FBN2: variants seen among roughly 807,000 people sequenced by gnomAD.
FBN2 encodes the protein fibrillin-2.
A neutral mutation model predicts 355.6 loss-of-function variants in FBN2; 105 were observed. The observed-to-expected ratio is 0.30, with a 90% confidence interval of 0.25 to 0.35. The LOEUF (loss-of-function observed/expected upper bound fraction) is 0.35. FBN2 is among the 10% of genes least tolerant of loss of function. The probability of loss-of-function intolerance (pLI) is 1.00; values close to 1 mark genes in which losing one functional copy is unlikely to be tolerated. For missense variants in FBN2, 3,280 were observed against 3,758.7 expected, an observed-to-expected ratio of 0.87 and a Z score of 3.33; for synonymous variants, 1,350 against 1,301.2, an observed-to-expected ratio of 1.04 and a Z score of -0.81.
intron 46 of FBN2, 122 bp from the exon 47 acceptor site, chr5:128,301,632 CTCA>C: frequency 1.1e-6 from 1 of 912,714 alleles, no homozygotes; most frequent in South Asian, 1.3e-5. Flanking sequence ...ATTACAACTC[CTCA>C]TCAACAGAGA....
intron 37 of FBN2, among the ~76,000 whole-genome samples, chr5:128,312,401 T>C (rs940216459): frequency 3.3e-5 from 5 of 152,218 alleles, no homozygotes; most frequent in African/African-American, 1.2e-4. Flanking sequence ...TATTCATACA[T>C]GATTACAGTT....
intron 46 of FBN2, among the ~76,000 whole-genome samples, chr5:128,302,676 C>A (rs1214413840): frequency 6.6e-6 from 1 of 152,088 alleles, no homozygotes; most frequent in Non-Finnish European, 1.5e-5. Flanking sequence ...TAAGGAAATA[C>A]AAATACCCTA....
chr5:128,315,166 A>C (rs1002208357), intron 36 of FBN2, among the ~76,000 whole-genome samples: 1 of 152,250 alleles, frequency 6.6e-6, no homozygotes, highest in African/African-American at 2.4e-5. Flanking sequence ...ATTTTAAAAA[A>C]TAATTTACAG....
chr5:128,383,688 C>T (rs1752293465), intron 11 of FBN2, among the ~76,000 whole-genome samples: 1 of 151,992 alleles, frequency 6.6e-6, no homozygotes, highest in African/African-American at 2.4e-5. Context: ...ATCAAATAAA[C>T]TCATGAAAAG....
At chr5:128,381,004 A>G (rs1488708566) in intron 11 of FBN2, among the ~76,000 whole-genome samples, 7 of 152,134 alleles carry the variant, frequency 4.6e-5, no homozygotes, top group Admixed American at 4.6e-4. Flanking sequence ...AATTTCTCAA[A>G]TACTACTATA....
chr5:128,365,137 G>T, intron 17 of FBN2: 1 of 165,682 alleles, frequency 6.0e-6, no homozygotes, highest in Non-Finnish European at 1.3e-5. Flanking sequence ...AAAGGTACAG[G>T]ATATTTCTAT....
chr5:128,483,555 T>TA (rs1713786273), intron 5 of FBN2, among the ~76,000 whole-genome samples: 1 of 152,056 alleles, frequency 6.6e-6, no homozygotes, highest in Non-Finnish European at 1.5e-5. Flanking sequence ...AGCAAACTGT[T>TA]AGATTTGGGG....
At chr5:128,282,485 G>T (rs39936) in intron 55 of FBN2, among the ~76,000 whole-genome samples, 1 of 151,734 alleles carries the variant, frequency 6.6e-6, no homozygotes, top group South Asian at 2.1e-4. Flanking sequence ...AACTAAAAGC[G>T]TTCTTGGAAG....
intron 34 of FBN2, among the ~76,000 whole-genome samples, chr5:128,326,506 T>G (rs1349448094): frequency 6.6e-6 from 1 of 152,230 alleles, no homozygotes; most frequent in Non-Finnish European, 1.5e-5. Context: ...TTCAATAATT[T>G]TTTGAATTCT....
At chr5:128,381,982 C>G (rs1466210804) in intron 11 of FBN2, among the ~76,000 whole-genome samples, 2 of 151,982 alleles carry the variant, frequency 1.3e-5, no homozygotes, top group Non-Finnish European at 2.9e-5. Context: ...CATAGTGGAC[C>G]TAAGACATTT....
intron 31 of FBN2, 125 bp from the exon 32 acceptor site, chr5:128,333,159 T>C (rs1750738543): frequency 1.2e-6 from 1 of 816,304 alleles, no homozygotes; most frequent in Admixed American, 2.4e-5. Context: ...AAGAGTAGCC[T>C]AACTAACTTT....
intron 7 of FBN2, among the ~76,000 whole-genome samples, chr5:128,440,831 T>A (rs558097255): frequency 1.3e-5 from 2 of 152,308 alleles, no homozygotes; most frequent in South Asian, 4.1e-4. Flanking sequence ...ATCTAACATA[T>A]CAGCCAGAGA....
intron 5 of FBN2, among the ~76,000 whole-genome samples, chr5:128,512,344 T>C (rs528741116): frequency 1.3e-5 from 2 of 152,006 alleles, no homozygotes; most frequent in Non-Finnish European, 2.9e-5. Flanking sequence ...AAACCCCATC[T>C]CTATTAAAAG....
At chr5:128,339,460 A>G (rs1376135878) in intron 25 of FBN2, among the ~76,000 whole-genome samples, 1 of 152,038 alleles carries the variant, frequency 6.6e-6, no homozygotes, top group African/African-American at 2.4e-5. Flanking sequence ...ACAAAAAAAA[A>G]ATTATTGGGG....
At chr5:128,494,276 A>C (rs1755591908) in intron 5 of FBN2, among the ~76,000 whole-genome samples, 1 of 152,192 alleles carries the variant, frequency 6.6e-6, no homozygotes, top group Admixed American at 6.5e-5. Flanking sequence ...AAAGGAACTG[A>C]CTTTATTTAA....
chr5:128,537,789 A>C lies in FBN2; in HGVS notation c.-186T>G, dbSNP rs1334155439. On this transcript the variant is annotated 5_prime_UTR_variant, in exon 1 of 65. Transcript: ENST00000262464. Reference sequence around the variant, plus strand: ...AGCGCCGGCCCCCTGACTGCCCGCGAAGCGAGACGCGGGGCGCCGGGTCTA... The same window carrying C: ...AGCGCCGGCCCCCTGACTGCCCGCGCAGCGAGACGCGGGGCGCCGGGTCTA... 3 of 636,562 alleles carry C rather than the reference A, an allele frequency of 4.7e-6. No individual in the cohort carries two copies. Among genetic ancestry groups the C allele is most frequent in the Non-Finnish European group, 8.1e-6 (3 of 368,478 alleles). The allele number at this position is 636,562 out of a possible 1,614,324, so 39.4% of individuals were successfully genotyped here. A position where few individuals can be genotyped will look rare whatever the true frequency, so the allele number is the denominator to read the frequency against.
At chr5:128,451,956 A>ATT (rs35691423) in intron 6 of FBN2, among the ~76,000 whole-genome samples, 18 of 152,120 alleles carry the variant, frequency 1.2e-4, no homozygotes, top group African/African-American at 4.3e-4. Context: ...CCTAAAAAGT[A>ATT]TTTTTTTAGA....
chr5:128,506,784 ATTCTTT>A (rs1755974189), intron 5 of FBN2, among the ~76,000 whole-genome samples: 1 of 152,024 alleles, frequency 6.6e-6, no homozygotes, highest in South Asian at 2.1e-4. Context: ...ATTCTCTTCT[ATTCTTT>A]ATCTTGCTGA....
At chr5:128,287,056 A>G (rs55641026) in intron 54 of FBN2, among the ~76,000 whole-genome samples, 1 of 152,174 alleles carries the variant, frequency 6.6e-6, no homozygotes, top group Admixed American at 6.5e-5. Context: ...AGGGAAGGGC[A>G]ATCTTTGCCT....
Sources: allele counts gnomAD v4.1 joint callset (sites outside exome capture counted in the v4.1 genomes callset), GRCh38; gene constraint gnomAD v4.1.1; transcripts MANE v1.5; gene names NCBI Gene and HGNC (gene_info 2026-07-23, HGNC 2026-07-21).